SCAMP1: variants seen among roughly 807,000 people sequenced by gnomAD.
SCAMP1 encodes the protein secretory carrier membrane protein 1.
A neutral mutation model predicts 41.8 loss-of-function variants in SCAMP1; 15 were observed. That is an observed-to-expected ratio of 0.36 (90% CI 0.24 to 0.55). SCAMP1 has a LOEUF of 0.55. SCAMP1 is among the 20% of genes least tolerant of loss of function. SCAMP1 has a pLI of 0.86. For synonymous variants in SCAMP1, 135 were observed against 136.8 expected (o/e 0.99, Z 0.09); for missense variants, 341 against 412.6 (o/e 0.83, Z 1.50).
At chr5:78,439,946 C>T (rs1455146064) in intron 6 of SCAMP1, among the ~76,000 whole-genome samples, 1 of 151,952 alleles carries the variant, frequency 6.6e-6, no homozygotes, top group Non-Finnish European at 1.5e-5. Flanking sequence ...CACTTCATTT[C>T]ATTCATTTGA....
intron 1 of SCAMP1, among the ~76,000 whole-genome samples, chr5:78,385,298 T>A (rs572893071): frequency 9.9e-5 from 15 of 152,234 alleles, no homozygotes; most frequent in South Asian, 8.3e-4. Flanking sequence ...GTAATGTCTC[T>A]TGTTTCATTT....
chr5:78,426,018 T>TCCCA, intron 6 of SCAMP1, among the ~76,000 whole-genome samples: 1 of 144,698 alleles, frequency 6.9e-6, no homozygotes, highest in Non-Finnish European at 1.5e-5. Context: ...ATTGTTCAAC[T>TCCCA]CCCACTTAGA....
At chr5:78,454,975 G>A (rs1206019698) in intron 7 of SCAMP1, among the ~76,000 whole-genome samples, 32 of 152,068 alleles carry the variant, frequency 2.1e-4, no homozygotes, top group African/African-American at 5.1e-4. Flanking sequence ...TTGCGTAGAG[G>A]TGTTTGTAGT....
At chr5:78,392,910 G>A (rs1751557393) in intron 2 of SCAMP1, among the ~76,000 whole-genome samples, 1 of 152,104 alleles carries the variant, frequency 6.6e-6, no homozygotes, top group African/African-American at 2.4e-5. Flanking sequence ...TAGTTAATTG[G>A]TGGTATTCGT....
At chr5:78,457,185 C>A (rs1018188254) in intron 7 of SCAMP1, among the ~76,000 whole-genome samples, 1 of 152,052 alleles carries the variant, frequency 6.6e-6, no homozygotes, top group East Asian at 1.9e-4. Context: ...TCTCTCAACT[C>A]GTCAAAGTCA....
At position 78,388,861 on chromosome 5, in the gene SCAMP1, A is replaced by C; in HGVS notation, c.82A>C (p.Arg28=). 6.4e-7 allele frequency: 1 copy of C among 1,557,054 alleles called. No individual in the cohort carries two copies. The highest frequency in any genetic ancestry group is 8.8e-7 in the Non-Finnish European group (1 of 1,132,940). ...GGATCCATCAGTTACACAAGTGACA[A>C]GAAATGTTCCACCAGGACTTGATGA... ...FKDPSVTQVT[R]NVPPGLDEYN... Residue 28 remains arginine, a synonymous_variant, in exon 2 of 9, where the codon AGA becomes CGA. Transcript: ENST00000621999.
intron 4 of SCAMP1, among the ~76,000 whole-genome samples, chr5:78,417,780 C>T (rs1441091486): frequency 1.3e-5 from 2 of 152,082 alleles, no homozygotes; most frequent in Non-Finnish European, 2.9e-5. Context: ...TGCCGCTTCT[C>T]AAATAGTATG....
chr5:78,449,933 G>GA lies in SCAMP1; in HGVS notation c.634dup (p.Ser212LysfsTer2). Reference sequence around the variant, plus strand: ...CTTTCTTTCTTTTTTTTTTTCAAAGGAGTGACAGTTCATTTAGATTCTTTG... The same window carrying GA: ...CTTTCTTTCTTTTTTTTTTTCAAAGGAAGTGACAGTTCATTTAGATTCTTTG... On this transcript the variant is annotated frameshift_variant and splice_region_variant, in exon 7 of 9. Transcript: ENST00000621999. LOFTEE classifies it high-confidence loss of function. 1 of 1,489,854 alleles carries GA rather than the reference G, an allele frequency of 6.7e-7. No individual in the cohort carries two copies. Among genetic ancestry groups the GA allele is most frequent in the Non-Finnish European group, 9.1e-7 (1 of 1,103,336 alleles). 92.3% of individuals were successfully genotyped at this position (1,489,854 alleles called of 1,614,324 possible). A position where few individuals can be genotyped will look rare whatever the true frequency, so the allele number is the denominator to read the frequency against.
rs61523492 is a variant in SCAMP1 at position 78,382,776 on chromosome 5, GGTGTGTGTGTGT to G, written c.58-6029_58-6018del. ...TTTTCATGGCTGAGTAGTATTCCAT[GGTGTGTGTGTGT>G]GTGTGTGTGTGTGTGTGTGTGTGTG... On this transcript the variant is annotated intron_variant, in intron 1 of 8. Coordinates refer to ENST00000621999, the MANE Select transcript of SCAMP1 (RefSeq NM_004866.6). 2.0e-3 allele frequency among the ~76,000 whole-genome samples: 263 copies of G among 130,328 alleles called. 1 individual carries two copies. The highest frequency in any genetic ancestry group is 7.9e-3 in the South Asian group (33 of 4,182). The allele number at this position is 130,328 out of a possible 152,430, so 85.5% of individuals were successfully genotyped here.
At chr5:78,446,614 A>G (rs1580701916) in intron 6 of SCAMP1, among the ~76,000 whole-genome samples, 1 of 152,318 alleles carries the variant, frequency 6.6e-6, no homozygotes, top group East Asian at 1.9e-4. Flanking sequence ...ATTAGTATTA[A>G]AAGTGATGTG....
intron 2 of SCAMP1, among the ~76,000 whole-genome samples, chr5:78,391,082 T>G (rs1751480907): frequency 7.7e-6 from 1 of 129,732 alleles, no homozygotes; most frequent in African/African-American, 2.9e-5. Flanking sequence ...ACCATCCGAT[T>G]TCTCAATCTT....
intron 2 of SCAMP1, among the ~76,000 whole-genome samples, chr5:78,413,655 C>T (rs1001857753): frequency 5.9e-5 from 9 of 152,006 alleles, no homozygotes; most frequent in African/African-American, 1.7e-4. Flanking sequence ...TGAGCTCAGG[C>T]GATCTGCCCA....
intron 2 of SCAMP1, among the ~76,000 whole-genome samples, chr5:78,412,163 A>G (rs1752093819): frequency 6.6e-6 from 1 of 152,038 alleles, no homozygotes; most frequent in Non-Finnish European, 1.5e-5. Context: ...TATGTTGCTT[A>G]TTATTTAGAT....
chr5:78,458,288 A>G (rs1753486499), intron 7 of SCAMP1, among the ~76,000 whole-genome samples: 1 of 152,118 alleles, frequency 6.6e-6, no homozygotes, highest in African/African-American at 2.4e-5. Context: ...ACCAACAATT[A>G]TGAGCAATTT....
At position 78,474,060 on chromosome 5, in the gene SCAMP1, TA is replaced by T. The variant is rs113424312; in HGVS notation, c.853-1430del. 2.0e-3 allele frequency among the ~76,000 whole-genome samples: 279 copies of T among 141,856 alleles called. 1 individual carries two copies. Among genetic ancestry groups the T allele is most frequent in the Admixed American group, 2.0e-3 (29 of 14,244 alleles). 93.1% of individuals were successfully genotyped at this position (141,856 alleles called of 152,430 possible). ...GTCAGAGAGATCTCTGGAGTCTCTT[TA>T]AAAAAAAAAAAAAGTTCTTTTTGGA... On this transcript the variant is annotated intron_variant, in intron 8 of 8. Coordinates refer to ENST00000621999, the MANE Select transcript of SCAMP1 (RefSeq NM_004866.6).
chr5:78,423,284 T>G (rs998751186), intron 6 of SCAMP1, among the ~76,000 whole-genome samples: 4 of 152,124 alleles, frequency 2.6e-5, no homozygotes, highest in African/African-American at 9.7e-5. Flanking sequence ...GGAGATTGGT[T>G]GCCAAGGAAC....
In SCAMP1 at chr5:78,478,696, TTATGTACTGA is replaced by T. The variant is rs1188992843; in HGVS notation, c.*3030_*3039del. 6.6e-6 allele frequency: 1 copy of T among 152,180 alleles called. No individual in the cohort carries two copies. The highest frequency in any genetic ancestry group is 6.5e-5 in the Admixed American group (1 of 15,284). 9.4% of individuals were successfully genotyped at this position (152,180 alleles called of 1,614,324 possible). On this transcript the variant is annotated 3_prime_UTR_variant, in exon 9 of 9. Transcript: ENST00000621999. Reference sequence around the variant, plus strand: ...TCTATCCTTGCTACCTATTGCTGTTTTATGTACTGATGAAAGTACCTATTTGTGTATATTG... The same window carrying T: ...TCTATCCTTGCTACCTATTGCTGTTTTGAAAGTACCTATTTGTGTATATTG...
intron 1 of SCAMP1, among the ~76,000 whole-genome samples, chr5:78,377,045 T>C (rs1285979970): frequency 6.6e-6 from 1 of 152,016 alleles, no homozygotes; most frequent in Non-Finnish European, 1.5e-5. Flanking sequence ...TTTCCTTCCC[T>C]CCTCTTTTTT....
intron 2 of SCAMP1, among the ~76,000 whole-genome samples, chr5:78,398,005 TA>T (rs1462920436): frequency 6.6e-6 from 1 of 152,202 alleles, no homozygotes; most frequent in East Asian, 1.9e-4. Flanking sequence ...GATGGGAATG[TA>T]AAATGGTGCA....
Sources: gnomAD v4.1 joint callset for allele counts (sites outside exome capture counted in the v4.1 genomes callset) on GRCh38, gnomAD v4.1.1 for gene constraint, MANE v1.5 for transcripts, NCBI Gene and HGNC (gene_info 2026-07-23, HGNC 2026-07-21) for gene names.